PWWP2A: variants seen among roughly 807,000 people sequenced by gnomAD.
PWWP2A encodes the protein PWWP domain containing 2A.
In PWWP2A, 18 loss-of-function variants were observed where a neutral mutation model predicts 48.5. The ratio of observed to expected loss-of-function variants is 0.37; its 90% CI spans 0.26 to 0.55. The LOEUF (loss-of-function observed/expected upper bound fraction) is 0.55, where lower values mean the gene tolerates loss of function less well. Among genes scored for constraint, PWWP2A ranks in the 20% least tolerant of loss-of-function variants. The probability of loss-of-function intolerance (pLI) is 0.81; values close to 1 mark genes in which losing one functional copy is unlikely to be tolerated. For missense variants in PWWP2A, 867 were observed against 976.4 expected (o/e 0.89, Z 1.49); for synonymous variants, 396 against 387.7 (o/e 1.02, Z -0.25).
intron 2 of PWWP2A, among the ~76,000 whole-genome samples, chr5:160,068,640 ACT>A (rs1174751452): frequency 4.6e-5 from 7 of 152,058 alleles, no homozygotes; most frequent in African/African-American, 1.7e-4. Flanking sequence ...TGCCCTGGAG[ACT>A]CTGAGAAACA....
chr5:160,062,870 GT>G (rs1337020960), intron 5 of PWWP2A, among the ~76,000 whole-genome samples: 1 of 152,032 alleles, frequency 6.6e-6, no homozygotes, highest in Non-Finnish European at 1.5e-5. Context: ...AGCGTTCCTG[GT>G]TGGTGTTGCT....
intron 4 of PWWP2A, among the ~76,000 whole-genome samples, chr5:160,064,251 G>A (rs1160913429): frequency 6.6e-6 from 1 of 152,194 alleles, no homozygotes; most frequent in Admixed American, 6.5e-5. Context: ...TTACAGGCGT[G>A]AGCCACCACG....
chr5:160,051,293 C>G, the PWWP2A span: 15 of 821,126 alleles, frequency 1.8e-5, no homozygotes, highest in East Asian at 1.0e-4. Context: ...GACTCTACCA[C>G]AAGGCTACTG....
chr5:160,051,206 T>TGATCAAGCTGTTTA, the PWWP2A span: 1 of 1,598,064 alleles, frequency 6.3e-7, no homozygotes, highest in African/African-American at 1.3e-5. Context: ...CTTACTTTGC[T>TGATCAAGCTGTTTA]TGATCATAAA....
rs1753944307 is a variant in PWWP2A at position 160,077,411 on chromosome 5, T to G, written c.*744A>C. The G allele has an allele frequency of 6.6e-6, 1 of 152,154 alleles. No homozygotes were observed. Among genetic ancestry groups the G allele is most frequent in the South Asian group, 2.1e-4 (1 of 4,822 alleles). 9.4% of individuals were successfully genotyped at this position (152,154 alleles called of 1,614,324 possible). ...TCAACACTAGCCTATCCACTTTGAG[T>G]CAAAATTTGAAAGGTAAGAATGTAA... is the stretch of plus-strand genomic sequence containing the variant. On this transcript the variant is annotated 3_prime_UTR_variant, in exon 4 of 4. Transcript: ENST00000456329. The surrounding 1 kb of genome is among the most constrained non-coding windows in gnomAD (Gnocchi z 4.2).
intron 1 of PWWP2A, among the ~76,000 whole-genome samples, chr5:160,113,879 T>C (rs1282758726): frequency 1.3e-5 from 2 of 152,196 alleles, no homozygotes; most frequent in East Asian, 1.9e-4. Context: ...AATATGCAAG[T>C]AGAAAAAGCA....
Position 160,093,962 on chromosome 5 carries a change from C to T in PWWP2A, c.688G>A (p.Glu230Lys). The T allele has an allele frequency of 6.2e-7, 1 of 1,614,054 alleles. No homozygotes were observed. The highest frequency in any genetic ancestry group is 1.1e-5 in the South Asian group (1 of 91,090). ...GCACCATTTGCTTCACACTTGACTT[C>T]TGTCCCTTCTTGGAATGTATTACTT... The part of the protein sequence containing the change: ...LQSNTFQEGT[E>K]VKCEANGAVP... The change falls in exon 2 of 2, where the codon GAA becomes AAA. Residue 230 changes from glutamate to lysine, a missense_variant. By Grantham distance (56) the Glu-to-Lys change is moderately conservative. This residue lies in a region of PWWP2A where 385 missense variants were observed against 396.9 expected (regional missense o/e 0.97). Transcript: ENST00000307063. The surrounding 1 kb of genome is among the most constrained non-coding windows in gnomAD (Gnocchi z 5.8).
Position 160,118,895 on chromosome 5 carries a change from G to T in PWWP2A, c.494C>A (p.Thr165Lys). 6.2e-7 allele frequency: 1 copy of T among 1,601,854 alleles called. No homozygotes were observed. Residue 165 changes from threonine (T) to lysine (K), a missense_variant, in exon 1 of 2, where the codon ACG becomes AAG. Thr to Lys is a moderately conservative substitution (Grantham distance 78). Coordinates refer to ENST00000307063, the MANE Select transcript of PWWP2A (RefSeq NM_001130864.2). The part of the protein sequence containing the change: ...QLIPGSEVRV[T>K]LDHIIEDALV... ...CGCGTCCTCAATGATGTGGTCCAGC[G>T]TGACCCGCACCTCCGAGCCCGGGAT...
chr5:160,050,167 G>A, the PWWP2A span, among the ~76,000 whole-genome samples: 6 of 152,060 alleles, frequency 3.9e-5, no homozygotes, highest in Non-Finnish European at 8.8e-5. Context: ...AAACCAACAG[G>A]CTGGGTGCAG....
chr5:160,074,014 G>A (rs1018501107), downstream of PWWP2A, among the ~76,000 whole-genome samples: 5 of 149,878 alleles, frequency 3.3e-5, no homozygotes, highest in African/African-American at 4.9e-5. Context: ...GCAGTGAGCC[G>A]AGATCGTGCC....
At chr5:160,115,076 G>A (rs1757976875) in intron 1 of PWWP2A, among the ~76,000 whole-genome samples, 1 of 141,484 alleles carries the variant, frequency 7.1e-6, no homozygotes, top group African/African-American at 2.6e-5. Flanking sequence ...GGGCGCAGAG[G>A]ATGCAGAGAG....
At chr5:160,083,054 C>T (rs1218999222) in intron 2 of PWWP2A, among the ~76,000 whole-genome samples, 1 of 152,158 alleles carries the variant, frequency 6.6e-6, no homozygotes, top group African/African-American at 2.4e-5. Context: ...ACTGAACACT[C>T]AAAATGAATT....
intron 1 of PWWP2A, among the ~76,000 whole-genome samples, 185 bp downstream of exon 1, chr5:160,118,620 C>T (rs1758382559): frequency 6.6e-6 from 1 of 152,130 alleles, no homozygotes; most frequent in Admixed American, 6.5e-5. Context: ...CACCTGGGGC[C>T]GGGACCGCCC....
At position 160,093,494 on chromosome 5, in the gene PWWP2A, C is replaced by A. The variant is rs772718899; in HGVS notation, c.1156G>T (p.Val386Phe). The change falls in exon 2 of 2, where the codon GTT becomes TTT. Residue 386 changes from valine to phenylalanine, a missense_variant. Around this residue, in one of 4 missense-constraint regions of PWWP2A, gnomAD observed 382 missense variants for 407.2 expected, o/e 0.94. Coordinates refer to ENST00000307063, the MANE Select transcript of PWWP2A (RefSeq NM_001130864.2). This position sits in a 1 kb window ranked among gnomAD's most constrained non-coding sequence, Gnocchi z 5.8. ...CTGTGAGCAATATTTGAAACCTTAA[C>A]CACAGCATTTCTTTTCTGGCTTTCA... ...QNESQKRNAV[V>F]KVSNIAHSRG... The A allele has an allele frequency of 1.2e-6, 2 of 1,613,960 alleles. No homozygotes were observed. The highest frequency in any genetic ancestry group is 3.3e-5 in the Admixed American group (2 of 59,990).
chr5:160,067,752 A>G (rs1241067826), intron 2 of PWWP2A, among the ~76,000 whole-genome samples: 1 of 152,238 alleles, frequency 6.6e-6, no homozygotes, highest in African/African-American at 2.4e-5. Context: ...GCTGCTTCCA[A>G]CATTTGTAAG....
chr5:160,116,452 T>A (rs1486711369), intron 1 of PWWP2A, among the ~76,000 whole-genome samples: 2 of 152,082 alleles, frequency 1.3e-5, no homozygotes, highest in Non-Finnish European at 2.9e-5. Flanking sequence ...CAAGACTCCG[T>A]CTTGGAAAAA....
chr5:160,044,837 T>C, the PWWP2A span, among the ~76,000 whole-genome samples: 1 of 152,220 alleles, frequency 6.6e-6, no homozygotes. Context: ...CTATTCAAGA[T>C]GGAGCCACTT....
chr5:160,049,658 G>T, the PWWP2A span: 12 of 1,574,392 alleles, frequency 7.6e-6, no homozygotes, highest in Admixed American at 2.0e-5. Flanking sequence ...AGAGAAGCTT[G>T]TATGGTAAAA....
chr5:160,087,379 CAAAAAA>C (rs527692100), downstream of PWWP2A, among the ~76,000 whole-genome samples: 2 of 90,532 alleles, frequency 2.2e-5, no homozygotes, highest in Non-Finnish European at 4.4e-5. Context: ...GACCCTATCT[CAAAAAA>C]AAAAAAAAAA....
Sources: allele counts gnomAD v4.1 joint callset (sites outside exome capture counted in the v4.1 genomes callset), GRCh38; gene constraint gnomAD v4.1.1; regional missense constraint gnomAD v4.1.1; non-coding constraint Gnocchi (gnomAD v3.1); transcripts MANE v1.5; gene names NCBI Gene and HGNC (gene_info 2026-07-23, HGNC 2026-07-21).